Variants in CAVIN2 observed in about 807,000 individuals in gnomAD.
CAVIN2 encodes caveolae-associated protein 2.
CAVIN2 carries 13 observed loss-of-function variants against 11.7 expected under a neutral mutation model. That is an observed-to-expected ratio of 1.11 (90% CI 0.72 to 1.77). The LOEUF is 1.77. Among genes scored for constraint, CAVIN2 ranks in the 40% most tolerant of loss-of-function variants. CAVIN2 has a pLI of 0.00. For synonymous variants in CAVIN2, 237 were observed against 223.2 expected (o/e 1.06, Z -0.55); for missense variants, 549 against 542.9 (o/e 1.01, Z -0.11).
At chr2:191,845,611 C>A (rs1690154117) in intron 1 of CAVIN2, among the ~76,000 whole-genome samples, 1 of 152,148 alleles carries the variant, frequency 6.6e-6, no homozygotes. Context: ...ACAAGAGCCC[C>A]ACGCAATCTC....
chr2:191,835,973 C>G lies in CAVIN2; in HGVS notation c.1228G>C (p.Asp410His), dbSNP rs1287130343. 3.1e-6 allele frequency: 5 copies of G among 1,614,042 alleles called. No individual in the cohort carries two copies. The highest frequency in any genetic ancestry group is 2.2e-5 in the South Asian group (2 of 91,076). Residue 410 changes from aspartate to histidine, a missense_variant, in exon 2 of 2, where the codon GAT becomes CAT. Transcript: ENST00000304141. The stretch of plus-strand genomic sequence containing the variant: ...ACGGCGGGCTGCACGGGGTCCCCAT[C>G]GGAGCGCTCCGCCTCCTCGGATGTT... ...ALTSEEAERS[D>H]GDPVQPAVLQ...
rs979406608 is a variant in CAVIN2, at chr2:191,836,677, G to A, written c.524C>T (p.Pro175Leu). Residue 175 changes from proline (P) to leucine (L), a missense_variant, in exon 2 of 2, where the codon CCC becomes CTC. Physicochemically the swap from Pro to Leu is moderately conservative, Grantham distance 98 (BLOSUM62 -3). Transcript: ENST00000304141. Reference protein sequence around the residue: ...EIPASVFVKQPVSGAVEGKEE... With the variant: ...EIPASVFVKQLVSGAVEGKEE... ...CTTCCCTTCCACGGCACCGGAAACG[G>A]GCTGTTTCACAAACACGCTGGCAGG... 9 of 1,613,716 alleles carry A rather than the reference G, an allele frequency of 5.6e-6. No homozygotes were observed. Among genetic ancestry groups the A allele is most frequent in the Non-Finnish European group, 7.6e-6 (9 of 1,179,912 alleles).
rs537760092 is a variant in CAVIN2 at position 191,846,570 on chromosome 2, C to G, written c.356G>C (p.Arg119Pro). The G allele has an allele frequency of 1.2e-6, 2 of 1,614,260 alleles. No individual in the cohort carries two copies. The highest frequency in any genetic ancestry group is 2.7e-5 in the African/African-American group (2 of 75,074). ...CGCGCGCGTGTGGGCGCTGACCTTGCGGGACTTCTCCAGCAGCTTGCTCAC... is the reference window on the plus strand; with the variant it reads ...CGCGCGCGTGTGGGCGCTGACCTTGGGGGACTTCTCCAGCAGCTTGCTCAC... ...NTVSKLLEKSRKVSAHTRAVK... is the reference protein window; with the variant it reads ...NTVSKLLEKSPKVSAHTRAVK... Residue 119 changes from arginine to proline, a missense_variant, in exon 1 of 2, where the codon CGC becomes CCC. By Grantham distance (103) the Arg-to-Pro change is moderately radical. Transcript: ENST00000304141.
Position 191,845,759 on chromosome 2 carries a change from C to T in CAVIN2, c.483+684G>A, listed in dbSNP as rs111819611. Reference sequence around the variant, plus strand: ...GCCTTTGTGACTATAACTGATAACACTCCTTTTATTTTACTTAACAGTTGT... The same window carrying T: ...GCCTTTGTGACTATAACTGATAACATTCCTTTTATTTTACTTAACAGTTGT... On this transcript the variant is annotated intron_variant, in intron 1 of 1. Coordinates refer to ENST00000304141, the MANE Select transcript of CAVIN2 (RefSeq NM_004657.6). Among the ~76,000 whole-genome samples, 392 of 152,266 alleles carry T rather than the reference C, an allele frequency of 2.6e-3. 3 individuals are homozygous for T. The highest frequency in any genetic ancestry group is 9.0e-3 in the African/African-American group (374 of 41,544).
rs1317392815 is a variant in CAVIN2 at position 191,846,783 on chromosome 2, C to G, written c.143G>C (p.Arg48Pro). 1.2e-6 allele frequency: 2 copies of G among 1,614,068 alleles called. No individual in the cohort carries two copies. Among genetic ancestry groups the G allele is most frequent in the Non-Finnish European group, 1.7e-6 (2 of 1,180,038 alleles). Residue 48 changes from arginine to proline, a missense_variant, in exon 1 of 2, where the codon CGG (arginine) becomes CCG (proline). Transcript: ENST00000304141. Reference protein sequence around the residue: ...LNLGNTEEAIRDNSQVNAVTV... With the variant: ...LNLGNTEEAIPDNSQVNAVTV... ...GACTGCGTTCACCTGTGAGTTGTCC[C>G]GGATGGCCTCCTCTGTGTTCCCTAG...
chr2:191,839,574 CTT>C (rs1482391635), intron 1 of CAVIN2, among the ~76,000 whole-genome samples: 1 of 152,098 alleles, frequency 6.6e-6, no homozygotes, highest in East Asian at 1.9e-4. Context: ...CAATTGAACT[CTT>C]TTGTAAAATG....
chr2:191,839,822 T>C (rs1292782377), intron 1 of CAVIN2, among the ~76,000 whole-genome samples: 1 of 152,240 alleles, frequency 6.6e-6, no homozygotes, highest in African/African-American at 2.4e-5. Flanking sequence ...ACTCTGAAGG[T>C]AAGCCCTTTC....
rs951741813 is a variant in CAVIN2 at position 191,835,788 on chromosome 2, G to A, written c.*135C>T. On this transcript the variant is annotated 3_prime_UTR_variant, in exon 2 of 2. Coordinates refer to ENST00000304141, the MANE Select transcript of CAVIN2 (RefSeq NM_004657.6). ...AGCCTGGTCTCGTGTGTCTTACTAT[G>A]ACTATATGGTCAATGATTACTGCCT... is the stretch of plus-strand genomic sequence containing the variant. 6 of 838,160 alleles carry A rather than the reference G, an allele frequency of 7.2e-6. No homozygotes were observed. The highest frequency in any genetic ancestry group is 3.6e-5 in the South Asian group (2 of 55,668). 51.9% of individuals were successfully genotyped at this position (838,160 alleles called of 1,614,324 possible).
At chr2:191,841,290 C>T (rs1291624986) in intron 1 of CAVIN2, among the ~76,000 whole-genome samples, 1 of 151,878 alleles carries the variant, frequency 6.6e-6, no homozygotes, top group African/African-American at 2.4e-5. Context: ...CAAATAAACA[C>T]AAAACAAAAC....
At chr2:191,846,252 C>T (rs1484881054) in intron 1 of CAVIN2, among the ~76,000 whole-genome samples, 191 bp downstream of exon 1, 3 of 152,344 alleles carry the variant, frequency 2.0e-5, no homozygotes, top group East Asian at 1.9e-4. Flanking sequence ...TCTGTAGTGA[C>T]CTGGGAAATT....
At chr2:191,838,922 T>A (rs1690056702) in intron 1 of CAVIN2, among the ~76,000 whole-genome samples, 1 of 152,252 alleles carries the variant, frequency 6.6e-6, no homozygotes, top group Admixed American at 6.5e-5. Context: ...GTTTGCTGAC[T>A]GCTGGTGCCA....
At chr2:191,840,846 TC>T (rs1186587814) in intron 1 of CAVIN2, among the ~76,000 whole-genome samples, 3 of 152,326 alleles carry the variant, frequency 2.0e-5, no homozygotes, top group African/African-American at 7.2e-5. Flanking sequence ...TGTCACTAAC[TC>T]ATCATTCCTG....
Position 191,846,958 on chromosome 2 carries a change from G to A in CAVIN2, c.-33C>T, listed in dbSNP as rs1486858579. The A allele has an allele frequency of 6.4e-7, 1 of 1,561,766 alleles. No individual in the cohort carries two copies. The highest frequency in any genetic ancestry group is 1.9e-5 in the Admixed American group (1 of 52,928). On this transcript the variant is annotated 5_prime_UTR_variant, in exon 1 of 2. Coordinates refer to ENST00000304141, the MANE Select transcript of CAVIN2 (RefSeq NM_004657.6). The stretch of plus-strand genomic sequence containing the variant: ...CAGGTGGGAACGTTCTTTCTCTCTG[G>A]GAGCTGCTTCTTGCTCGGGTGAGAA...
chr2:191,834,891 A>C lies in CAVIN2; in HGVS notation c.*1032T>G, dbSNP rs1689989417. ...GAATGTAAGGGTTAGTTTAAATTTGAAGAGCATTAAAGAATAGTATGAGCT... is the reference window on the plus strand; with the variant it reads ...GAATGTAAGGGTTAGTTTAAATTTGCAGAGCATTAAAGAATAGTATGAGCT... On this transcript the variant is annotated 3_prime_UTR_variant, in exon 2 of 2. Coordinates refer to ENST00000304141, the MANE Select transcript of CAVIN2 (RefSeq NM_004657.6). The C allele has an allele frequency of 7.1e-6, 1 of 141,100 alleles. No homozygotes were observed. Among genetic ancestry groups the C allele is most frequent in the Non-Finnish European group, 1.6e-5 (1 of 64,142 alleles). 8.7% of individuals were successfully genotyped at this position (141,100 alleles called of 1,614,324 possible).
intron 1 of CAVIN2, among the ~76,000 whole-genome samples, chr2:191,843,549 A>G (rs1322254973): frequency 6.6e-6 from 1 of 152,160 alleles, no homozygotes; most frequent in Non-Finnish European, 1.5e-5. Context: ...TTATGCTGTG[A>G]CTGGAGGGTT....
chr2:191,841,053 G>A (rs753576679), intron 1 of CAVIN2, among the ~76,000 whole-genome samples: 25 of 152,028 alleles, frequency 1.6e-4, no homozygotes, highest in Non-Finnish European at 2.8e-4. Context: ...GGTTTTCTCC[G>A]ATTTGTGTTT....
intron 1 of CAVIN2, among the ~76,000 whole-genome samples, chr2:191,837,359 C>T (rs1315209157): frequency 6.6e-6 from 1 of 152,130 alleles, no homozygotes; most frequent in Non-Finnish European, 1.5e-5. Flanking sequence ...ACTCAGGAAG[C>T]CTTCTGGTTT....
chr2:191,846,631 T>C lies in CAVIN2; in HGVS notation c.295A>G (p.Lys99Glu). The C allele has an allele frequency of 6.2e-7, 1 of 1,614,256 alleles. No homozygotes were observed. Among genetic ancestry groups the C allele is most frequent in the Non-Finnish European group, 8.5e-7 (1 of 1,180,042 alleles). The change falls in exon 1 of 2, where the codon AAG becomes GAG. Residue 99 changes from lysine (K) to glutamate (E), a missense_variant. Coordinates refer to ENST00000304141, the MANE Select transcript of CAVIN2 (RefSeq NM_004657.6). ...GTGGAGGCCTGGTACTTGGAGAGCTTGGTGAGGTCATTCTGGATGCCCTTC... is the reference window on the plus strand; with the variant it reads ...GTGGAGGCCTGGTACTTGGAGAGCTCGGTGAGGTCATTCTGGATGCCCTTC... ...SVKGIQNDLT[K>E]LSKYQASTSN...
intron 1 of CAVIN2, 72 bp downstream of exon 1, chr2:191,846,371 A>G: frequency 6.7e-7 from 1 of 1,482,272 alleles, no homozygotes; most frequent in Non-Finnish European, 9.0e-7. Flanking sequence ...TGGCTGTGAG[A>G]GCCAGGATGA....
Sources: allele counts gnomAD v4.1 joint callset (sites outside exome capture counted in the v4.1 genomes callset), GRCh38; gene constraint gnomAD v4.1.1; transcripts MANE v1.5; gene names NCBI Gene and HGNC (gene_info 2026-07-23, HGNC 2026-07-21).